The following PDE4B variants were observed in gnomAD, a reference collection of about 807,000 sequenced individuals.
PDE4B encodes 3',5'-cyclic-AMP phosphodiesterase 4B.
PDE4B carries 20 observed loss-of-function variants against 82.2 expected under a neutral mutation model. The ratio of observed to expected loss-of-function variants is 0.24; its 90% confidence interval spans 0.17 to 0.35. PDE4B has a LOEUF of 0.35. PDE4B is among the 10% of genes least tolerant of loss of function. The pLI is 1.00. For synonymous variants in PDE4B, 320 were observed against 318.9 expected, an observed-to-expected ratio of 1.00 and a Z score of -0.04; for missense variants, 655 against 907.2, an observed-to-expected ratio of 0.72 and a Z score of 3.57.
At chr1:66,040,535 G>C (rs1654312300) in intron 3 of PDE4B, among the ~76,000 whole-genome samples, 1 of 151,986 alleles carries the variant, frequency 6.6e-6, no homozygotes, top group East Asian at 1.9e-4. Flanking sequence ...AAGGTTGCTT[G>C]TTTTGGGTTT....
At chr1:66,159,504 G>A (rs1315643194) in intron 3 of PDE4B, among the ~76,000 whole-genome samples, 1 of 151,846 alleles carries the variant, frequency 6.6e-6, no homozygotes, top group East Asian at 1.9e-4. Flanking sequence ...GCCTCCCAAA[G>A]TGTTGGGATT....
intron 6 of PDE4B, among the ~76,000 whole-genome samples, chr1:66,258,330 A>T (rs1291487552): frequency 1.3e-5 from 2 of 152,314 alleles, no homozygotes; most frequent in East Asian, 3.9e-4. Context: ...TAAGAGTGGG[A>T]TTATCTTCTC....
chr1:66,111,841 G>T (rs1385699576), intron 3 of PDE4B, among the ~76,000 whole-genome samples: 1 of 151,872 alleles, frequency 6.6e-6, no homozygotes, highest in South Asian at 2.1e-4. Flanking sequence ...TCTGGTTATG[G>T]TTTCTTACCA....
chr1:66,264,965 C>T (rs1026553147), intron 6 of PDE4B, among the ~76,000 whole-genome samples: 7 of 152,214 alleles, frequency 4.6e-5, no homozygotes, highest in African/African-American at 1.4e-4. Context: ...CCAGATGAGT[C>T]GGCTGCGTAT....
At chr1:65,837,499 T>A (rs1338076434) in intron 1 of PDE4B, among the ~76,000 whole-genome samples, 1 of 152,162 alleles carries the variant, frequency 6.6e-6, no homozygotes, top group Non-Finnish European at 1.5e-5. Context: ...TCCCAGCTAC[T>A]TGGGAGGCTG....
intron 3 of PDE4B, among the ~76,000 whole-genome samples, chr1:65,997,495 A>T (rs960653926): frequency 6.6e-6 from 1 of 152,174 alleles, no homozygotes; most frequent in African/African-American, 2.4e-5. Flanking sequence ...AACAGTGAAT[A>T]TGGCATATGA....
At position 66,188,860 on chromosome 1, in the gene PDE4B, A is replaced by T. The variant is rs545499328; in HGVS notation, c.282-58600A>T. On this transcript the variant is annotated intron_variant, in intron 3 of 16. Coordinates refer to ENST00000341517, the MANE Select transcript of PDE4B (RefSeq NM_002600.4). ...TTTAAGGTTAGTATTGTTATGTGTG[A>T]ATTTGATCCTGTCATTATGATGTTA... is the stretch of plus-strand genomic sequence containing the variant. Among the ~76,000 whole-genome samples the T allele has an allele frequency of 5.9e-5, 9 of 152,242 alleles. No individual in the cohort carries two copies. The South Asian group carries it at 1.9e-3, about 32-fold the overall frequency.
intron 3 of PDE4B, among the ~76,000 whole-genome samples, chr1:66,111,856 T>C (rs1645493197): frequency 6.6e-6 from 1 of 152,094 alleles, no homozygotes; most frequent in African/African-American, 2.4e-5. Flanking sequence ...TTACCAAAAA[T>C]AAACAATGCC....
chr1:66,222,255 C>A (rs1173894165), intron 3 of PDE4B, among the ~76,000 whole-genome samples: 1 of 152,220 alleles, frequency 6.6e-6, no homozygotes, highest in Non-Finnish European at 1.5e-5. Flanking sequence ...TTCTTCCCAA[C>A]AACTTCTGCT....
In PDE4B at chr1:66,239,980, C is replaced by G. The variant is rs114517276; in HGVS notation, c.282-7480C>G. ...TTTCCATCTCTCACCACATCAATAC[C>G]AAAGAATGTGAATGATTTTTGCTGT... On this transcript the variant is annotated intron_variant, in intron 3 of 16. Coordinates refer to ENST00000341517, the MANE Select transcript of PDE4B (RefSeq NM_002600.4). Among the ~76,000 whole-genome samples the G allele has an allele frequency of 9.6e-3, 1,463 of 152,278 alleles. 16 individuals carry two copies. The highest frequency in any genetic ancestry group is 0.017 in the Middle Eastern group (5 of 294).
At chr1:66,009,719 G>A (rs1652362244) in intron 3 of PDE4B, among the ~76,000 whole-genome samples, 1 of 151,938 alleles carries the variant, frequency 6.6e-6, no homozygotes, top group Non-Finnish European at 1.5e-5. Context: ...TATTTCAGGT[G>A]GTGTCTTGAA....
chr1:66,141,899 G>A (rs976295651), intron 3 of PDE4B, among the ~76,000 whole-genome samples: 2 of 152,098 alleles, frequency 1.3e-5, no homozygotes, highest in South Asian at 4.1e-4. Flanking sequence ...CATTAGGGGT[G>A]CTGAACCCTC....
At chr1:66,156,237 C>A (rs932694527) in intron 3 of PDE4B, among the ~76,000 whole-genome samples, 1 of 152,132 alleles carries the variant, frequency 6.6e-6, no homozygotes, top group African/African-American at 2.4e-5. Context: ...TTCATTGGTA[C>A]ATGAACAATT....
chr1:65,937,496 C>T (rs1332668470), intron 3 of PDE4B, among the ~76,000 whole-genome samples: 1 of 152,102 alleles, frequency 6.6e-6, no homozygotes, highest in African/African-American at 2.4e-5. Flanking sequence ...ATCAAAATAC[C>T]CATAGATGTG....
intron 1 of PDE4B, among the ~76,000 whole-genome samples, chr1:65,806,076 A>G (rs1001064580): frequency 6.6e-6 from 1 of 152,148 alleles, no homozygotes; most frequent in Non-Finnish European, 1.5e-5. Flanking sequence ...ATTATTTAAC[A>G]TCTCAGATCA....
intron 3 of PDE4B, among the ~76,000 whole-genome samples, chr1:66,083,447 A>G (rs1231867730): frequency 6.6e-6 from 1 of 152,114 alleles, no homozygotes; most frequent in Non-Finnish European, 1.5e-5. Context: ...TGAGTGCTTA[A>G]GGGGTGCTAG....
At chr1:66,185,281 AAT>A (rs1367734330) in intron 3 of PDE4B, among the ~76,000 whole-genome samples, 1 of 152,224 alleles carries the variant, frequency 6.6e-6, no homozygotes, top group South Asian at 2.1e-4. Flanking sequence ...TGCTATTGTG[AAT>A]AGTGCCGCAA....
chr1:65,844,990 A>T (rs1646252691), intron 1 of PDE4B, among the ~76,000 whole-genome samples: 1 of 152,176 alleles, frequency 6.6e-6, no homozygotes. Context: ...GTATGCCTAG[A>T]CAGTCCCAGC....
chr1:66,247,513 C>A lies in PDE4B; in HGVS notation c.335C>A (p.Ala112Asp), dbSNP rs75398902. ...SPGRSPLDPQ[A>D]SSSAGLVLHA... is the part of the protein sequence containing the mutation. ...GGTCGGAGTCCACTGGATCCCCAGGCCAGCTCTTCCGCTGGGCTGGTACTT... is the reference window on the plus strand; with the variant it reads ...GGTCGGAGTCCACTGGATCCCCAGGACAGCTCTTCCGCTGGGCTGGTACTT... The change falls in exon 4 of 17, where the codon GCC becomes GAC. Residue 112 changes from alanine (A) to aspartate (D), a missense_variant. Ala to Asp is a moderately radical substitution (Grantham distance 126). Coordinates refer to ENST00000341517, the MANE Select transcript of PDE4B (RefSeq NM_002600.4). 1 of 1,609,456 alleles carries A rather than the reference C, an allele frequency of 6.2e-7. No individual in the cohort carries two copies. Among genetic ancestry groups the A allele is most frequent in the South Asian group, 1.1e-5 (1 of 90,466 alleles).
Sources: gnomAD v4.1 joint callset for allele counts (sites outside exome capture counted in the v4.1 genomes callset) on GRCh38, gnomAD v4.1.1 for gene constraint, MANE v1.5 for transcripts, NCBI Gene and HGNC (gene_info 2026-07-23, HGNC 2026-07-21) for gene names.